CSGALNACT1: variants seen among roughly 807,000 people sequenced by gnomAD.
The protein encoded by CSGALNACT1 is chondroitin sulfate N-acetylgalactosaminyltransferase 1.
CSGALNACT1 carries 52 observed loss-of-function variants against 51.0 expected under a neutral mutation model. That is an observed-to-expected ratio of 1.02 (90% CI 0.82 to 1.29). CSGALNACT1 has a LOEUF of 1.29. Ranked by LOEUF, CSGALNACT1 falls within the 50% of genes most tolerant of loss-of-function variation. The pLI is 0.00. For synonymous variants in CSGALNACT1, 341 were observed against 254.4 expected (o/e 1.34, Z -3.24); for missense variants, 935 against 679.2 (o/e 1.38, Z -4.19).
At chr8:19,552,594 C>G (rs575738052) in intron 3 of CSGALNACT1, among the ~76,000 whole-genome samples, 131 of 152,282 alleles carry the variant, frequency 8.6e-4, no homozygotes, top group African/African-American at 3.0e-3. Context: ...GCTCCCATCA[C>G]TTTTCAGGGA....
intron 1 of CSGALNACT1, among the ~76,000 whole-genome samples, chr8:19,634,574 A>T (rs1216221878): frequency 1.3e-5 from 2 of 152,170 alleles, no homozygotes; most frequent in African/African-American, 4.8e-5. Context: ...ACATGGGTGG[A>T]TCACTTGAGC....
chr8:19,491,470 A>C (rs1019572500), intron 4 of CSGALNACT1, among the ~76,000 whole-genome samples: 7 of 152,238 alleles, frequency 4.6e-5, no homozygotes, highest in Non-Finnish European at 1.5e-5. Flanking sequence ...TATGCTCTTA[A>C]TACTAAATAT....
exon 4 of CSGALNACT1, chr8:19,505,482 G>C: frequency 6.2e-7 from 1 of 1,614,142 alleles, no homozygotes; most frequent in Non-Finnish European, 8.5e-7. Flanking sequence ...CAGGAGGTCG[G>C]CCTGGGTTTT....
In CSGALNACT1 at chr8:19,615,044, AT is replaced by A. The variant is rs1322763048; in HGVS notation, c.-543-13180del. Among the ~76,000 whole-genome samples the A allele has an allele frequency of 5.9e-5, 9 of 152,346 alleles. No individual in the cohort carries two copies. The East Asian group carries it at 1.5e-3, about 26-fold the overall frequency. On this transcript the variant is annotated intron_variant, in intron 1 of 9. Coordinates refer to the CSGALNACT1 transcript ENST00000332246. ...ACTTTAATGTAAAACACTATTTTTC[AT>A]TGTAAAAATATCAACACACTTTGGG... is the stretch of plus-strand genomic sequence containing the variant.
chr8:19,744,746 T>C (rs181371097), intron 1 of CSGALNACT1, among the ~76,000 whole-genome samples: 183 of 152,352 alleles, frequency 1.2e-3, no homozygotes, highest in African/African-American at 4.1e-3. Context: ...TCCTTGAATG[T>C]GATTTGTCTA....
At chr8:19,673,417 T>C (rs905081600) in intron 1 of CSGALNACT1, among the ~76,000 whole-genome samples, 13 of 150,144 alleles carry the variant, frequency 8.7e-5, no homozygotes, top group African/African-American at 3.0e-4. Flanking sequence ...TTCATCATCA[T>C]GAGATCTGGT....
In CSGALNACT1 at chr8:19,511,918, A is replaced by C. The variant is rs943470198; in HGVS notation, c.-296-5788T>G. On this transcript the variant is annotated intron_variant, in intron 3 of 9. Transcript: ENST00000454498. ...AGGGGGAAGTGTTACACACTTTTTA[A>C]ACAACCAGATCTTGCGAAAACTCAC... Among the ~76,000 whole-genome samples, 54 of 152,144 alleles carry C rather than the reference A, an allele frequency of 3.5e-4. 1 individual carries two copies. The highest frequency in any genetic ancestry group is 3.1e-3 in the Admixed American group (48 of 15,270).
At chr8:19,455,515 G>A (rs1449162745) in intron 5 of CSGALNACT1, among the ~76,000 whole-genome samples, 2 of 152,110 alleles carry the variant, frequency 1.3e-5, no homozygotes, top group East Asian at 3.9e-4. Context: ...TTTTTGGTGT[G>A]AAATAAGAAT....
intron 3 of CSGALNACT1, among the ~76,000 whole-genome samples, chr8:19,556,733 C>G (rs17128631): frequency 0.14 from 20,648 of 151,936 alleles, 1,576 homozygotes; most frequent in Middle Eastern, 0.19. Context: ...TGCCAACACC[C>G]AGAGCTTCCA....
chr8:19,534,697 C>T (rs747950724), intron 3 of CSGALNACT1, among the ~76,000 whole-genome samples: 3 of 152,070 alleles, frequency 2.0e-5, no homozygotes, highest in African/African-American at 7.2e-5. Flanking sequence ...GAGAAAGCCC[C>T]AAGTGACCTA....
At chr8:19,613,501 C>T (rs1430348651) in intron 1 of CSGALNACT1, among the ~76,000 whole-genome samples, 3 of 152,216 alleles carry the variant, frequency 2.0e-5, no homozygotes, top group Admixed American at 2.0e-4. Flanking sequence ...GTCCAGATAT[C>T]TGTCATTTTT....
intron 1 of CSGALNACT1, among the ~76,000 whole-genome samples, chr8:19,709,434 G>T (rs2062371129): frequency 6.6e-6 from 1 of 152,176 alleles, no homozygotes; most frequent in African/African-American, 2.4e-5. Flanking sequence ...AAAAGTCTAG[G>T]GCTAGCAAGG....
intron 1 of CSGALNACT1, among the ~76,000 whole-genome samples, chr8:19,651,221 AG>A (rs2057772637): frequency 6.6e-6 from 1 of 152,226 alleles, no homozygotes; most frequent in Non-Finnish European, 1.5e-5. Context: ...TGGCAAAATG[AG>A]GGTAATAATA....
intron 5 of CSGALNACT1, among the ~76,000 whole-genome samples, chr8:19,442,639 C>T (rs930316096): frequency 1.3e-5 from 2 of 150,720 alleles, no homozygotes; most frequent in Non-Finnish European, 2.9e-5. Flanking sequence ...TTAGTGGGTG[C>T]AGCACACCAA....
intron 3 of CSGALNACT1, among the ~76,000 whole-genome samples, chr8:19,535,037 G>A (rs12334362): frequency 0.092 from 14,069 of 152,178 alleles, 678 homozygotes; most frequent in South Asian, 0.14. Context: ...AGTTAGCAGT[G>A]AGTATCAGGG....
intron 1 of CSGALNACT1, among the ~76,000 whole-genome samples, chr8:19,666,148 G>A (rs758355819): frequency 3.9e-5 from 6 of 152,170 alleles, no homozygotes; most frequent in Non-Finnish European, 8.8e-5. Context: ...AAAGGAGGGT[G>A]CTCCACGGAA....
At chr8:19,737,955 T>C (rs2064086061) in intron 1 of CSGALNACT1, among the ~76,000 whole-genome samples, 2 of 152,222 alleles carry the variant, frequency 1.3e-5, no homozygotes. Context: ...AAAAGAGTTC[T>C]GGAGATGGGC....
Position 19,484,734 on chromosome 8 carries a change from T to C in CSGALNACT1, c.634+20467A>G, listed in dbSNP as rs181059693. Among the ~76,000 whole-genome samples the C allele has an allele frequency of 6.1e-4, 93 of 152,324 alleles. No individual in the cohort carries two copies. In the Middle Eastern group the frequency reaches 0.017, roughly 28 times the overall value. ...TCCCTAGTACCTCAGAATGTTATTG[T>C]GTTTGGAGAATACCAAGAAGTACTT... On this transcript the variant is annotated intron_variant, in intron 4 of 9. Transcript: ENST00000454498.
chr8:19,652,385 C>A, intron 1 of CSGALNACT1, among the ~76,000 whole-genome samples: 1 of 152,140 alleles, frequency 6.6e-6, no homozygotes, highest in Middle Eastern at 3.2e-3. Context: ...TATACAAATT[C>A]AAATATTCAT....
Sources: gnomAD v4.1 joint callset for allele counts (sites outside exome capture counted in the v4.1 genomes callset) on GRCh38, gnomAD v4.1.1 for gene constraint, MANE v1.5 for transcripts, NCBI Gene and HGNC (gene_info 2026-07-23, HGNC 2026-07-21) for gene names.